Variants in XRCC4 observed in about 807,000 individuals in gnomAD.
XRCC4 encodes DNA repair protein XRCC4.
A neutral mutation model predicts 39.1 loss-of-function variants in XRCC4; 28 were observed. The observed-to-expected ratio is 0.72, with a 90% CI of 0.53 to 0.98. The LOEUF (loss-of-function observed/expected upper bound fraction) is 0.98, where lower values mean the gene tolerates loss of function less well. Ranked by LOEUF, XRCC4 falls within the 50% of genes least tolerant of loss-of-function variation. The probability of loss-of-function intolerance (pLI) is 0.00; values close to 1 mark genes in which losing one functional copy is unlikely to be tolerated. For missense variants in XRCC4, 350 were observed against 376.4 expected (o/e 0.93, Z 0.58); for synonymous variants, 123 against 126.4 (o/e 0.97, Z 0.18).
intron 3 of XRCC4, among the ~76,000 whole-genome samples, chr5:83,185,365 TAA>T (rs147693052): frequency 1.3e-4 from 18 of 141,852 alleles, no homozygotes; most frequent in South Asian, 1.1e-3. Flanking sequence ...TGCCCAGCAT[TAA>T]AAAAAAAAAA....
intron 1 of XRCC4, among the ~76,000 whole-genome samples, chr5:83,103,605 G>A (rs1192598877): frequency 6.6e-6 from 1 of 152,134 alleles, no homozygotes; most frequent in African/African-American, 2.4e-5. Context: ...TTGCTAGAGT[G>A]TTTCTGCCAG....
At chr5:83,258,177 TAAAAG>T (rs1753618097) in intron 6 of XRCC4, among the ~76,000 whole-genome samples, 1 of 152,054 alleles carries the variant, frequency 6.6e-6, no homozygotes. Context: ...TCTCAGAACT[TAAAAG>T]ATAATAAAAA....
At position 83,104,930 on chromosome 5, in the gene XRCC4, A is replaced by G. The variant is rs1166890864; in HGVS notation, c.11A>G (p.Lys4Arg). 1.4e-5 allele frequency: 23 copies of G among 1,613,102 alleles called. No individual in the cohort carries two copies. The highest frequency in any genetic ancestry group is 1.9e-5 in the Non-Finnish European group (22 of 1,179,448). ...TACAGGTATTAAGAAATGGAGAGAA[A>G]AATAAGCAGAATCCACCTTGTTTCT... MER[K>R]ISRIHLVSEP... is the part of the protein sequence containing the mutation. Residue 4 changes from lysine to arginine, a missense_variant, in exon 2 of 8, where the codon AAA (lysine) becomes AGA (arginine). Lys to Arg is a conservative substitution (Grantham distance 26, BLOSUM62 2). Coordinates refer to ENST00000396027, the MANE Select transcript of XRCC4 (RefSeq NM_003401.5).
At chr5:83,353,986 T>G (rs1757160064), downstream of XRCC4, among the ~76,000 whole-genome samples, 2 of 152,316 alleles carry the variant, frequency 1.3e-5, no homozygotes, top group Admixed American at 6.5e-5. Context: ...TCTGGCACTA[T>G]TATCTTTGTA....
At chr5:83,116,155 A>G (rs1028355576) in intron 3 of XRCC4, among the ~76,000 whole-genome samples, 1 of 152,238 alleles carries the variant, frequency 6.6e-6, no homozygotes, top group African/African-American at 2.4e-5. Flanking sequence ...TTTTGCTTGG[A>G]TGACCTAAAA....
chr5:83,133,646 C>T (rs183083796), intron 3 of XRCC4, among the ~76,000 whole-genome samples: 1 of 152,158 alleles, frequency 6.6e-6, no homozygotes, highest in East Asian at 1.9e-4. Context: ...GATTGCTGTT[C>T]TAGCAGTGAG....
chr5:83,116,180 T>A (rs1746701487), intron 3 of XRCC4, among the ~76,000 whole-genome samples: 1 of 152,226 alleles, frequency 6.6e-6, no homozygotes, highest in African/African-American at 2.4e-5. Flanking sequence ...AGAAGGAGTT[T>A]GTAATCCTTT....
At chr5:83,186,461 A>G (rs1377039010) in intron 3 of XRCC4, among the ~76,000 whole-genome samples, 1 of 152,160 alleles carries the variant, frequency 6.6e-6, no homozygotes, top group Non-Finnish European at 1.5e-5. Flanking sequence ...TTATTCGCAC[A>G]TCACCTTCTT....
intron 6 of XRCC4, among the ~76,000 whole-genome samples, chr5:83,213,832 A>G (rs368805212): frequency 2.0e-5 from 3 of 152,348 alleles, no homozygotes; most frequent in African/African-American, 7.2e-5. Flanking sequence ...AGCAAAAAGC[A>G]ACCAGCTCCA....
chr5:83,328,269 G>A (rs1470042820), intron 7 of XRCC4, among the ~76,000 whole-genome samples: 2 of 152,028 alleles, frequency 1.3e-5, no homozygotes, highest in Admixed American at 6.6e-5. Context: ...CCCACAACAC[G>A]TGGGAATTCA....
At chr5:83,096,479 C>T (rs368239084) in intron 1 of XRCC4, among the ~76,000 whole-genome samples, 23 of 152,166 alleles carry the variant, frequency 1.5e-4, no homozygotes, top group South Asian at 1.2e-3. Flanking sequence ...GAAGCCAAGC[C>T]GTTTGGGGAA....
At chr5:83,095,920 A>T (rs1338275692) in intron 1 of XRCC4, among the ~76,000 whole-genome samples, 1 of 151,974 alleles carries the variant, frequency 6.6e-6, no homozygotes, top group Non-Finnish European at 1.5e-5. Flanking sequence ...TGGAGCTGAG[A>T]CTGAGCCCTT....
chr5:83,299,822 A>T (rs527401950), intron 7 of XRCC4, among the ~76,000 whole-genome samples: 2 of 152,188 alleles, frequency 1.3e-5, no homozygotes, highest in African/African-American at 4.8e-5. Context: ...AGTATCATCA[A>T]CATGGTTATT....
rs72769346 is a variant in XRCC4, at chr5:83,298,128, G to A, written c.893+39451G>A. Among the ~76,000 whole-genome samples the A allele has an allele frequency of 3.1e-3, 466 of 151,524 alleles. 2 individuals carry two copies. The highest frequency in any genetic ancestry group is 6.8e-3 in the Middle Eastern group (2 of 294). On this transcript the variant is annotated intron_variant, in intron 7 of 7. Coordinates refer to ENST00000396027, the MANE Select transcript of XRCC4 (RefSeq NM_003401.5). Reference sequence around the variant, plus strand: ...GAGGTTAAATAAGTTCAACAAAGTCGTAAAGCACATAAATGACAGTATAAA... The same window carrying A: ...GAGGTTAAATAAGTTCAACAAAGTCATAAAGCACATAAATGACAGTATAAA...
At chr5:83,141,612 T>C (rs10474093) in intron 3 of XRCC4, among the ~76,000 whole-genome samples, 73,070 of 151,414 alleles carry the variant, frequency 0.48, 18,545 homozygotes, top group African/African-American at 0.63. Flanking sequence ...TCTTTTTTTG[T>C]GTATTGTTTG....
At chr5:83,102,057 TCTCA>T (rs1174468878) in intron 1 of XRCC4, among the ~76,000 whole-genome samples, 3 of 150,884 alleles carry the variant, frequency 2.0e-5, no homozygotes, top group East Asian at 1.9e-4. Flanking sequence ...CCCCTATCAC[TCTCA>T]CTATCACTAA....
At chr5:83,293,370 C>CAT (rs1012886845) in intron 7 of XRCC4, among the ~76,000 whole-genome samples, 1 of 152,038 alleles carries the variant, frequency 6.6e-6, no homozygotes, top group Non-Finnish European at 1.5e-5. Flanking sequence ...AAGTTACTCA[C>CAT]ATATATCTGT....
chr5:83,128,436 A>G (rs1747386728), intron 3 of XRCC4, among the ~76,000 whole-genome samples: 1 of 152,106 alleles, frequency 6.6e-6, no homozygotes, highest in South Asian at 2.1e-4. Flanking sequence ...ATAAACATAC[A>G]TGTGCATGTG....
chr5:83,142,310 TCAGTGGTGTTTAGATGAGGAAACTAACTC>T (rs1748218525), intron 3 of XRCC4, among the ~76,000 whole-genome samples: 1 of 42,790 alleles, frequency 2.3e-5, no homozygotes, highest in African/African-American at 1.7e-4. Context: ...AAACTAACTC[TCAGTGGTGTTTAGATGAGGAAACTAACTC>T]TCAGTGGTGT....
Sources: gnomAD v4.1 joint callset for allele counts (sites outside exome capture counted in the v4.1 genomes callset) on GRCh38, gnomAD v4.1.1 for gene constraint, MANE v1.5 for transcripts, NCBI Gene and HGNC (gene_info 2026-07-23, HGNC 2026-07-21) for gene names.